The following ZC3H11A variants were observed in gnomAD, a reference collection of about 807,000 sequenced individuals.
ZC3H11A encodes the protein zinc finger CCCH domain-containing protein 11A.
Under a neutral mutation model 90.8 loss-of-function variants are expected in ZC3H11A, and 22 were observed. The observed-to-expected ratio is 0.24, with a 90% CI of 0.17 to 0.35. The LOEUF is 0.35. Ranked by LOEUF, ZC3H11A falls within the 10% of genes least tolerant of loss-of-function variation. ZC3H11A has a pLI of 1.00. For missense variants in ZC3H11A, 701 were observed against 964.9 expected, an observed-to-expected ratio of 0.73 and a Z score of 3.62; for synonymous variants, 294 against 339.8, an observed-to-expected ratio of 0.87 and a Z score of 1.48.
chr1:203,813,909 C>T (rs1322846985), intron 2 of ZC3H11A, among the ~76,000 whole-genome samples: 1 of 151,962 alleles, frequency 6.6e-6, no homozygotes, highest in Non-Finnish European at 1.5e-5. Flanking sequence ...TCTAGTCACA[C>T]ACCTAATCTC....
Position 203,801,812 on chromosome 1 carries a change from T to C in ZC3H11A, c.-1350T>C. The stretch of plus-strand genomic sequence containing the variant: ...TGTATCAAAATCGGGTTTTTTTTGG[T>C]TTTGATTTTTTTTTTTTTTAAATTC... On this transcript the variant is annotated 5_prime_UTR_variant, in exon 2 of 18. Coordinates refer to ENST00000367210, the MANE Select transcript of ZC3H11A (RefSeq NM_001376342.1). 1 of 55,586 alleles carries C rather than the reference T, an allele frequency of 1.8e-5. No individual in the cohort carries two copies. Among genetic ancestry groups the C allele is most frequent in the South Asian group, 9.5e-4 (1 of 1,052 alleles). The allele number at this position is 55,586 out of a possible 1,614,324, so 3.4% of individuals were successfully genotyped here.
chr1:203,816,691 AACTGTGTAACAAGC>A (rs1191609729), intron 2 of ZC3H11A, among the ~76,000 whole-genome samples: 1 of 152,204 alleles, frequency 6.6e-6, no homozygotes, highest in Non-Finnish European at 1.5e-5. Context: ...ACAATGCTGT[AACTGTGTAACAAGC>A]ATCACAGAGA....
At chr1:203,831,027 C>T (rs893469363) in intron 8 of ZC3H11A, among the ~76,000 whole-genome samples, 16 of 143,360 alleles carry the variant, frequency 1.1e-4, no homozygotes, top group Non-Finnish European at 1.8e-4. Context: ...CTCACCACAA[C>T]CTCCACCTCC....
chr1:203,805,034 GTAAA>G (rs913193787), intron 2 of ZC3H11A, among the ~76,000 whole-genome samples: 9 of 151,536 alleles, frequency 5.9e-5, no homozygotes, highest in Non-Finnish European at 1.3e-4. Flanking sequence ...AAAAAATTGA[GTAAA>G]TAAATGTCCT....
chr1:203,802,901 T>G lies in ZC3H11A; in HGVS notation c.-261T>G, dbSNP rs1558092606. The stretch of plus-strand genomic sequence containing the variant: ...TTTTCTTGGCAATGTGAGGAGGAAA[T>G]TTTTTTCTGCCTCATTATTATTAAT... On this transcript the variant is annotated 5_prime_UTR_variant, in exon 2 of 18. Coordinates refer to ENST00000367210, the MANE Select transcript of ZC3H11A (RefSeq NM_001376342.1). 1 of 152,436 alleles carries G rather than the reference T, an allele frequency of 6.6e-6. No individual in the cohort carries two copies. Among genetic ancestry groups the G allele is most frequent in the Non-Finnish European group, 1.5e-5 (1 of 67,998 alleles). The allele number at this position is 152,436 out of a possible 1,614,324, so 9.4% of individuals were successfully genotyped here. A position where few individuals can be genotyped will look rare whatever the true frequency, so the allele number is the denominator to read the frequency against.
At chr1:203,819,742 C>T (rs1364694768) in intron 4 of ZC3H11A, among the ~76,000 whole-genome samples, 1 of 149,872 alleles carries the variant, frequency 6.7e-6, no homozygotes, top group African/African-American at 2.5e-5. Context: ...CCATGCTGGT[C>T]AGGCTGGTCT....
intron 2 of ZC3H11A, among the ~76,000 whole-genome samples, chr1:203,812,987 C>T (rs528858714): frequency 3.3e-5 from 5 of 152,070 alleles, no homozygotes; most frequent in Non-Finnish European, 4.4e-5. Context: ...TGGTGAGGTA[C>T]CTGTTCAGAT....
At position 203,831,762 on chromosome 1, in the gene ZC3H11A, A is replaced by G; in HGVS notation, c.802A>G (p.Thr268Ala). 1 of 1,611,448 alleles carries G rather than the reference A, an allele frequency of 6.2e-7. No homozygotes were observed. The highest frequency in any genetic ancestry group is 8.5e-7 in the Non-Finnish European group (1 of 1,178,672). ...TGTGGTGAGGACAGTAACTCTCTCCACCAAACAAGGTAAGGTATAGATAGG... is the reference window on the plus strand; with the variant it reads ...TGTGGTGAGGACAGTAACTCTCTCCGCCAAACAAGGTAAGGTATAGATAGG... ...RTVVRTVTLS[T>A]KQGEEPLVRL... The change falls in exon 9 of 18, where the codon ACC (threonine) becomes GCC (alanine). Residue 268 changes from threonine to alanine, a missense_variant. Thr to Ala is a moderately conservative substitution (Grantham distance 58). This residue lies in a region of ZC3H11A where 530 missense variants were observed against 696.2 expected (regional missense o/e 0.76). Coordinates refer to ENST00000367210, the MANE Select transcript of ZC3H11A (RefSeq NM_001376342.1).
At chr1:203,835,814 A>G in intron 10 of ZC3H11A, 1 of 241,214 alleles carries the variant, frequency 4.1e-6, no homozygotes. Context: ...CTGGGGCATA[A>G]ACACCTTCAA....
At chr1:203,817,289 T>A (rs1676673223) in intron 3 of ZC3H11A, among the ~76,000 whole-genome samples, 165 bp downstream of exon 3, 1 of 152,194 alleles carries the variant, frequency 6.6e-6, no homozygotes, top group Non-Finnish European at 1.5e-5. Context: ...GGTAATTCAG[T>A]GTTTTTTTCT....
At chr1:203,796,086 TC>T in intron 1 of ZC3H11A, 1 of 111,242 alleles carries the variant, frequency 9.0e-6, no homozygotes, top group Non-Finnish European at 1.8e-5. Context: ...CCAACCTTCC[TC>T]CCCTCCCCCA....
intron 2 of ZC3H11A, among the ~76,000 whole-genome samples, chr1:203,809,980 G>A (rs1673794948): frequency 6.6e-6 from 1 of 151,968 alleles, no homozygotes; most frequent in Admixed American, 6.6e-5. Context: ...ACAAAAAAAA[G>A]TAACTGGGTT....
chr1:203,818,362 C>G (rs3753590), intron 3 of ZC3H11A, among the ~76,000 whole-genome samples: 19,205 of 152,030 alleles, frequency 0.13, 1,600 homozygotes, highest in East Asian at 0.29. Flanking sequence ...CATGCCAGAT[C>G]AAACGAAGGG....
intron 3 of ZC3H11A, among the ~76,000 whole-genome samples, chr1:203,817,661 A>G (rs563695189): frequency 1.3e-5 from 2 of 152,088 alleles, no homozygotes; most frequent in East Asian, 3.9e-4. Context: ...TTGCAGCTCT[A>G]TTTACATATA....
chr1:203,837,714 G>C (rs533017236), intron 10 of ZC3H11A, among the ~76,000 whole-genome samples: 2 of 152,228 alleles, frequency 1.3e-5, no homozygotes, highest in South Asian at 4.1e-4. Flanking sequence ...CTGGCCTTAA[G>C]TGATCCTCCT....
In ZC3H11A at chr1:203,818,322, T is replaced by G. The variant is rs1208932133; in HGVS notation, c.55-248T>G. ...AGGACCTAACACTCCTACTTGTCTTTTTCAACTCTTTTTTTCAGCTTGTGT... is the reference window on the plus strand; with the variant it reads ...AGGACCTAACACTCCTACTTGTCTTGTTCAACTCTTTTTTTCAGCTTGTGT... On this transcript the variant is annotated intron_variant, in intron 3 of 17. Coordinates refer to ENST00000367210, the MANE Select transcript of ZC3H11A (RefSeq NM_001376342.1). 3.7e-3 allele frequency among the ~76,000 whole-genome samples: 553 copies of G among 150,986 alleles called. 4 individuals carry two copies. Among genetic ancestry groups the G allele is most frequent in the Non-Finnish European group, 6.7e-3 (447 of 67,040 alleles).
At chr1:203,799,057 A>G (rs1333287943) in intron 1 of ZC3H11A, 2 of 1,536,174 alleles carry the variant, frequency 1.3e-6, no homozygotes, top group Admixed American at 2.0e-5. Context: ...TCTTTTCTCA[A>G]TAATGGCAGG....
At chr1:203,809,941 C>T (rs149861433) in intron 2 of ZC3H11A, among the ~76,000 whole-genome samples, 2 of 152,030 alleles carry the variant, frequency 1.3e-5, no homozygotes, top group African/African-American at 2.4e-5. Flanking sequence ...GGCAACAGAG[C>T]GAGACTCTCT....
chr1:203,817,150 TTCTTTCTA>T (rs1397865012), intron 3 of ZC3H11A, 26 bp downstream of exon 3: 1 of 1,567,292 alleles, frequency 6.4e-7, no homozygotes, highest in South Asian at 1.2e-5. Context: ...TTTAAATCAG[TTCTTTCTA>T]CAATTTGCTT....
Sources: gnomAD v4.1 joint callset for allele counts (sites outside exome capture counted in the v4.1 genomes callset) on GRCh38, gnomAD v4.1.1 for gene constraint, gnomAD v4.1.1 regional missense constraint, MANE v1.5 for transcripts, NCBI Gene and HGNC (gene_info 2026-07-23, HGNC 2026-07-21) for gene names.